Variants in PLEKHB2 observed in about 807,000 individuals in gnomAD.
The protein encoded by PLEKHB2 is pleckstrin homology domain containing B2.
In PLEKHB2, 31 loss-of-function variants were observed where a neutral mutation model predicts 36.5. That is an observed-to-expected ratio of 0.85 (90% confidence interval 0.64 to 1.15). PLEKHB2 has a LOEUF of 1.15. Among genes scored for constraint, PLEKHB2 ranks in the 50% most tolerant of loss-of-function variants. The pLI, the probability that PLEKHB2 is intolerant of heterozygous loss-of-function variation, is 0.00. For missense variants in PLEKHB2, 262 were observed against 295.3 expected (o/e 0.89, Z 0.83); for synonymous variants, 119 against 112.0 (o/e 1.06, Z -0.39).
chr2:131,126,979 G>A (rs973532559), intron 4 of PLEKHB2, 193 bp downstream of exon 4: 60 of 534,172 alleles, frequency 1.1e-4, no homozygotes, highest in Middle Eastern at 5.0e-4. Flanking sequence ...TGCCTAGGCC[G>A]ATCCCATTGT....
chr2:131,135,747 C>A (rs1698174059), intron 6 of PLEKHB2, among the ~76,000 whole-genome samples: 1 of 152,014 alleles, frequency 6.6e-6, no homozygotes, highest in Non-Finnish European at 1.5e-5. Context: ...ACTACAGGCA[C>A]CTGCCACCAT....
At chr2:131,115,800 G>C (rs564616948) in intron 1 of PLEKHB2, among the ~76,000 whole-genome samples, 2 of 152,280 alleles carry the variant, frequency 1.3e-5, no homozygotes, top group East Asian at 1.9e-4. Flanking sequence ...TTAGCCATTA[G>C]ATTCTCTTTC....
intron 1 of PLEKHB2, chr2:131,107,923 CAA>C (rs1319903153): frequency 6.6e-6 from 1 of 152,290 alleles, no homozygotes; most frequent in Non-Finnish European, 1.5e-5. Context: ...CTTGGCCTCC[CAA>C]AGTGTTGGGA....
chr2:131,129,074 C>T (rs1697383767), intron 4 of PLEKHB2, among the ~76,000 whole-genome samples: 2 of 152,224 alleles, frequency 1.3e-5, no homozygotes, highest in Admixed American at 6.5e-5. Flanking sequence ...CTTGTAATCC[C>T]AGCACTTTGG....
intron 4 of PLEKHB2, among the ~76,000 whole-genome samples, chr2:131,128,357 A>G (rs1697306302): frequency 6.6e-6 from 1 of 152,164 alleles, no homozygotes; most frequent in South Asian, 2.1e-4. Context: ...GAAAAGGAAA[A>G]TGCAAGCCTC....
intron 7 of PLEKHB2, among the ~76,000 whole-genome samples, chr2:131,142,916 C>G (rs571028020): frequency 6.6e-6 from 1 of 152,148 alleles, no homozygotes; most frequent in African/African-American, 2.4e-5. Flanking sequence ...GCAGGCAGGC[C>G]CCAACTCAGG....
chr2:131,116,755 C>G (rs1251995377), intron 1 of PLEKHB2, among the ~76,000 whole-genome samples: 1 of 152,112 alleles, frequency 6.6e-6, no homozygotes, highest in African/African-American at 2.4e-5. Flanking sequence ...CAGATGTTCA[C>G]CCACACAATT....
intron 7 of PLEKHB2, among the ~76,000 whole-genome samples, chr2:131,145,496 AT>A (rs891409138): frequency 5.9e-5 from 9 of 151,274 alleles, no homozygotes; most frequent in African/African-American, 1.9e-4. Flanking sequence ...CCCCTGGCTA[AT>A]TTTTTTTTGG....
chr2:131,123,618 G>A lies in PLEKHB2; in HGVS notation c.38-2135G>A, dbSNP rs534578016. ...CAACTTACTGCAACCTCTGCCTCCT[G>A]GCTTCAAGCAATTTTCCTGCTTCAG... On this transcript the variant is annotated intron_variant, in intron 2 of 7. Coordinates refer to ENST00000693505, the MANE Select transcript of PLEKHB2 (RefSeq NM_001100623.2). 3.3e-5 allele frequency among the ~76,000 whole-genome samples: 5 copies of A among 152,172 alleles called. No individual in the cohort carries two copies. The South Asian group carries it at 1.0e-3, about 32-fold the overall frequency.
intron 2 of PLEKHB2, among the ~76,000 whole-genome samples, chr2:131,123,429 C>T (rs1221012500): frequency 6.6e-6 from 1 of 152,198 alleles, no homozygotes; most frequent in Non-Finnish European, 1.5e-5. Flanking sequence ...ACTTGGGAGT[C>T]TGCAGCCAGG....
Position 131,148,058 on chromosome 2 carries a change from C to T in PLEKHB2, c.*1285C>T, listed in dbSNP as rs1045691599. 1 of 152,348 alleles carries T rather than the reference C, an allele frequency of 6.6e-6. No individual in the cohort carries two copies. The highest frequency in any genetic ancestry group is 1.9e-4 in the East Asian group (1 of 5,176). The allele number at this position is 152,348 out of a possible 1,614,324, so 9.4% of individuals were successfully genotyped here. On this transcript the variant is annotated 3_prime_UTR_variant, in exon 8 of 8. Coordinates refer to ENST00000693505, the MANE Select transcript of PLEKHB2 (RefSeq NM_001100623.2). ...CTCTCTCATCACTCTGAAGGCCCAT[C>T]CTGTGCAGAAGTGGGACTCTGTGGC...
At chr2:131,109,990 C>G (rs1695126956) in intron 1 of PLEKHB2, among the ~76,000 whole-genome samples, 1 of 151,784 alleles carries the variant, frequency 6.6e-6, no homozygotes, top group African/African-American at 2.4e-5. Flanking sequence ...TGGCGGTTGC[C>G]TGTAGTCCCA....
intron 5 of PLEKHB2, among the ~76,000 whole-genome samples, chr2:131,131,815 A>C (rs1156764871): frequency 6.7e-6 from 1 of 150,374 alleles, no homozygotes; most frequent in Non-Finnish European, 1.5e-5. Flanking sequence ...GTTAAGGGCA[A>C]GCTCCCCAAA....
chr2:131,138,755 A>G (rs1049747210), intron 6 of PLEKHB2, among the ~76,000 whole-genome samples: 9 of 151,972 alleles, frequency 5.9e-5, no homozygotes, highest in African/African-American at 1.9e-4. Flanking sequence ...TCCTGAAAGG[A>G]CTCACTTTCC....
intron 7 of PLEKHB2, 106 bp from the exon 8 acceptor site, chr2:131,146,531 G>A (rs938108052): frequency 8.3e-7 from 1 of 1,208,216 alleles, no homozygotes; most frequent in African/African-American, 1.5e-5. Flanking sequence ...TCGCCAGTGT[G>A]ACAGGAGACA....
intron 6 of PLEKHB2, among the ~76,000 whole-genome samples, chr2:131,134,900 A>G (rs1698077574): frequency 6.6e-6 from 1 of 152,132 alleles, no homozygotes; most frequent in African/African-American, 2.4e-5. Flanking sequence ...TTTCATCAGC[A>G]TTTTGAGGTT....
intron 1 of PLEKHB2, chr2:131,107,727 G>T (rs1694880021): frequency 6.6e-6 from 1 of 152,240 alleles, no homozygotes; most frequent in African/African-American, 2.4e-5. Context: ...CGATGGCGCA[G>T]TCTCGGCTCA....
chr2:131,115,940 A>G (rs1194271686), intron 1 of PLEKHB2, among the ~76,000 whole-genome samples: 5 of 152,154 alleles, frequency 3.3e-5, no homozygotes, highest in Non-Finnish European at 7.3e-5. Flanking sequence ...GTTTTAGAGG[A>G]GACTAGTGGT....
Position 131,140,155 on chromosome 2 carries a change from G to T in PLEKHB2, c.424-12G>T. On this transcript the variant is annotated splice_polypyrimidine_tract_variant and intron_variant, in intron 6 of 7. Coordinates refer to ENST00000693505, the MANE Select transcript of PLEKHB2 (RefSeq NM_001100623.2). ...TCACAATTGTATTTCTAATGGGCCT[G>T]TTTCTTTTCAGCAGGCTTATGGCTA... The T allele has an allele frequency of 6.4e-7, 1 of 1,561,368 alleles. No homozygotes were observed. Among genetic ancestry groups the T allele is most frequent in the Non-Finnish European group, 8.8e-7 (1 of 1,137,334 alleles).
Sources: gnomAD v4.1 joint callset for allele counts (sites outside exome capture counted in the v4.1 genomes callset) on GRCh38, gnomAD v4.1.1 for gene constraint, MANE v1.5 for transcripts, NCBI Gene and HGNC (gene_info 2026-07-23, HGNC 2026-07-21) for gene names.